The following PIP4K2A variants were observed in gnomAD, a reference collection of about 807,000 sequenced individuals.
PIP4K2A encodes the protein phosphatidylinositol 5-phosphate 4-kinase type-2 alpha.
Under a neutral mutation model 42.9 loss-of-function variants are expected in PIP4K2A, and 14 were observed. That is an observed-to-expected ratio of 0.33 (90% CI 0.22 to 0.51). The LOEUF is 0.51. Ranked by LOEUF, PIP4K2A falls within the 20% of genes least tolerant of loss-of-function variation. The probability of loss-of-function intolerance (pLI) is 0.97; values close to 1 mark genes in which losing one functional copy is unlikely to be tolerated. For missense variants in PIP4K2A, 434 were observed against 519.8 expected, an observed-to-expected ratio of 0.83 and a Z score of 1.61; for synonymous variants, 192 against 192.2, an observed-to-expected ratio of 1.00 and a Z score of 0.01.
At chr10:22,565,620 C>A (rs964074522) in intron 6 of PIP4K2A, among the ~76,000 whole-genome samples, 1 of 152,084 alleles carries the variant, frequency 6.6e-6, no homozygotes, top group Non-Finnish European at 1.5e-5. Flanking sequence ...TGAACAAATA[C>A]GAAATCTGGG....
Position 22,535,665 on chromosome 10 carries a change from C to G in PIP4K2A, c.*1536G>C, listed in dbSNP as rs563255432. On this transcript the variant is annotated 3_prime_UTR_variant, in exon 10 of 10. Coordinates refer to ENST00000376573, the MANE Select transcript of PIP4K2A (RefSeq NM_005028.5). ...AGGAGTTTCAAAGGCATGGCTTTAG[C>G]GCAGCATGTAAGTGGATAACCTACT... 6.4e-6 allele frequency: 1 copy of G among 155,934 alleles called. No homozygotes were observed. The highest frequency in any genetic ancestry group is 1.9e-4 in the East Asian group (1 of 5,340). 9.7% of individuals were successfully genotyped at this position (155,934 alleles called of 1,614,324 possible).
chr10:22,641,818 A>AG (rs1838788500), intron 1 of PIP4K2A, among the ~76,000 whole-genome samples: 1 of 151,974 alleles, frequency 6.6e-6, no homozygotes, highest in African/African-American at 2.4e-5. Context: ...CCTGAACCCC[A>AG]GATCTACCTG....
chr10:22,702,828 A>G (rs1158550511), intron 1 of PIP4K2A, among the ~76,000 whole-genome samples: 1 of 152,182 alleles, frequency 6.6e-6, no homozygotes, highest in African/African-American at 2.4e-5. Context: ...TTCATTCAAC[A>G]ATATGTACTG....
chr10:22,687,292 T>C (rs1839784410), intron 1 of PIP4K2A, among the ~76,000 whole-genome samples: 1 of 152,138 alleles, frequency 6.6e-6, no homozygotes, highest in South Asian at 2.1e-4. Flanking sequence ...AAATGTTGCA[T>C]GATTTTATAT....
intron 1 of PIP4K2A, among the ~76,000 whole-genome samples, chr10:22,647,519 C>A (rs1330548594): frequency 3.2e-5 from 3 of 92,958 alleles, no homozygotes; most frequent in Non-Finnish European, 2.3e-5. Context: ...TCTTAAACAC[C>A]ATCAGAGAGT....
rs987640789 is a variant in PIP4K2A, at chr10:22,598,834, T to C, written c.340-7053A>G. Among the ~76,000 whole-genome samples the C allele has an allele frequency of 5.3e-5, 8 of 152,224 alleles. 1 individual carries two copies. Among genetic ancestry groups the C allele is most frequent in the Non-Finnish European group, 1.0e-4 (7 of 68,042 alleles). The stretch of plus-strand genomic sequence containing the variant: ...TAGAGACTTAGGGAATGGACGATGA[T>C]TTACTATTAGTTTATGGGAAAAAAA... On this transcript the variant is annotated intron_variant, in intron 3 of 9. Coordinates refer to ENST00000376573, the MANE Select transcript of PIP4K2A (RefSeq NM_005028.5).
At chr10:22,634,269 A>C (rs1838614913) in intron 1 of PIP4K2A, among the ~76,000 whole-genome samples, 1 of 152,206 alleles carries the variant, frequency 6.6e-6, no homozygotes, top group Non-Finnish European at 1.5e-5. Context: ...GGCCAATCTA[A>C]AACTATCATG....
chr10:22,622,759 A>C (rs1054349537), intron 1 of PIP4K2A, among the ~76,000 whole-genome samples: 6 of 152,246 alleles, frequency 3.9e-5, no homozygotes, highest in African/African-American at 1.4e-4. Context: ...AGCCTTTAGC[A>C]TGAAGGAGAC....
intron 1 of PIP4K2A, among the ~76,000 whole-genome samples, chr10:22,702,899 A>C (rs942299039): frequency 3.9e-5 from 6 of 152,188 alleles, no homozygotes; most frequent in African/African-American, 1.4e-4. Context: ...AATAGGAAAA[A>C]GTCTCAGTTG....
chr10:22,696,019 G>A (rs1313198821), intron 1 of PIP4K2A, among the ~76,000 whole-genome samples: 1 of 151,992 alleles, frequency 6.6e-6, no homozygotes, highest in Non-Finnish European at 1.5e-5. Context: ...ATTTTTGTAA[G>A]AAACCTATAA....
intron 1 of PIP4K2A, among the ~76,000 whole-genome samples, chr10:22,676,579 C>T (rs1249998449): frequency 6.6e-6 from 1 of 152,074 alleles, no homozygotes; most frequent in Non-Finnish European, 1.5e-5. Context: ...CAGAGAGGAA[C>T]AAGGGCAAGA....
Position 22,651,439 on chromosome 10 carries a change from G to A in PIP4K2A, c.145-41722C>T, listed in dbSNP as rs538657508. On this transcript the variant is annotated intron_variant, in intron 1 of 9. Transcript: ENST00000376573. ...TGTGGCCTTTCACTCCGATCACCCCGGCCTTTGCTCTGTTCTCCCAGCGAG... is the reference window on the plus strand; with the variant it reads ...TGTGGCCTTTCACTCCGATCACCCCAGCCTTTGCTCTGTTCTCCCAGCGAG... Among the ~76,000 whole-genome samples the A allele has an allele frequency of 9.9e-5, 15 of 152,158 alleles. No homozygotes were observed. In the East Asian group the frequency reaches 2.5e-3, roughly 26 times the overall value.
At chr10:22,580,777 A>G (rs1837255640) in intron 4 of PIP4K2A, among the ~76,000 whole-genome samples, 1 of 152,180 alleles carries the variant, frequency 6.6e-6, no homozygotes, top group African/African-American at 2.4e-5. Context: ...TTTCACTTTC[A>G]ACCACGGTCT....
intron 1 of PIP4K2A, among the ~76,000 whole-genome samples, chr10:22,613,247 T>C (rs1007323068): frequency 1.3e-5 from 2 of 149,740 alleles, no homozygotes; most frequent in Non-Finnish European, 3.0e-5. Flanking sequence ...CCAGACTAAG[T>C]TGAGTTAAGG....
At chr10:22,549,807 C>T (rs945926069) in intron 7 of PIP4K2A, among the ~76,000 whole-genome samples, 4 of 133,534 alleles carry the variant, frequency 3.0e-5, no homozygotes, top group African/African-American at 1.1e-4. Flanking sequence ...CGCCACTGCA[C>T]TCCAGCCTAG....
intron 2 of PIP4K2A, among the ~76,000 whole-genome samples, chr10:22,608,894 T>C (rs918870507): frequency 4.0e-5 from 6 of 151,584 alleles, no homozygotes; most frequent in Non-Finnish European, 8.9e-5. Flanking sequence ...AATTTCATAA[T>C]GATCCTCACA....
chr10:22,554,372 A>T (rs995202917), intron 6 of PIP4K2A, among the ~76,000 whole-genome samples: 46 of 152,248 alleles, frequency 3.0e-4, no homozygotes, highest in African/African-American at 1.1e-3. Context: ...ACGTCTGCAG[A>T]GCAGCAGAAA....
rs1835932347 is a variant in PIP4K2A at position 22,536,725 on chromosome 10, A to AAAAC, written c.*475_*476insGTTT. Reference sequence around the variant, plus strand: ...ACATCTTTCAACTCCAAAAAAAAAAAAAAAAAAAAAAAACTGATCCACAGT... The same window carrying AAAAC: ...ACATCTTTCAACTCCAAAAAAAAAAAAAACAAAAAAAAAAAAACTGATCCACAGT... On this transcript the variant is annotated 3_prime_UTR_variant, in exon 10 of 10. Transcript: ENST00000376573. 8.1e-6 allele frequency: 1 copy of AAAAC among 124,102 alleles called. No individual in the cohort carries two copies. Among genetic ancestry groups the AAAAC allele is most frequent in the Non-Finnish European group, 1.8e-5 (1 of 56,022 alleles). 7.7% of individuals were successfully genotyped at this position (124,102 alleles called of 1,614,324 possible).
chr10:22,654,176 CAT>C (rs1007491690), intron 1 of PIP4K2A, among the ~76,000 whole-genome samples: 8 of 152,172 alleles, frequency 5.3e-5, no homozygotes, highest in African/African-American at 7.2e-5. Flanking sequence ...TTGAAAAACA[CAT>C]GTTTCCGTAA....
Sources: gnomAD v4.1 joint callset for allele counts (sites outside exome capture counted in the v4.1 genomes callset) on GRCh38, gnomAD v4.1.1 for gene constraint, MANE v1.5 for transcripts, NCBI Gene and HGNC (gene_info 2026-07-23, HGNC 2026-07-21) for gene names.